Variants in PBRM1 observed in about 807,000 individuals in gnomAD.
PBRM1 encodes protein polybromo-1.
Under a neutral mutation model 194.5 loss-of-function variants are expected in PBRM1, and 27 were observed. That is an observed-to-expected ratio of 0.14 (90% CI 0.10 to 0.19). The LOEUF (loss-of-function observed/expected upper bound fraction) is 0.19, where lower values mean the gene tolerates loss of function less well. Ranked by LOEUF, PBRM1 falls within the 10% of genes least tolerant of loss-of-function variation. PBRM1 has a pLI of 1.00. For synonymous variants in PBRM1, 655 were observed against 693.2 expected (o/e 0.94, Z 0.87); for missense variants, 1,466 against 2,077.2 (o/e 0.71, Z 5.72).
exon 11 of PBRM1, chr3:52,634,684 G>A (rs748039131): frequency 1.9e-6 from 3 of 1,613,764 alleles, no homozygotes; most frequent in South Asian, 2.2e-5. Flanking sequence ...TGGTAAAAAG[G>A]TTCAGCTATT....
chr3:52,590,189 C>T (rs1174396135), intron 17 of PBRM1, among the ~76,000 whole-genome samples: 12 of 151,834 alleles, frequency 7.9e-5, no homozygotes, highest in African/African-American at 1.2e-4. Context: ...CGGCAGCTCA[C>T]GCCTGTAATC....
chr3:52,589,228 C>T (rs1385173049), exon 18 of PBRM1: 2 of 1,545,884 alleles, frequency 1.3e-6, no homozygotes, highest in East Asian at 4.8e-5. Context: ...GCCTGCAGCA[C>T]CAGAGGAATC....
chr3:52,654,147 C>T (rs2096563887), intron 5 of PBRM1, among the ~76,000 whole-genome samples: 1 of 152,102 alleles, frequency 6.6e-6, no homozygotes. Context: ...TCAGATTGTG[C>T]TCTCCCAACT....
At chr3:52,651,689 C>T (rs916687803) in intron 6 of PBRM1, 53 bp downstream of exon 7, 2 of 1,028,430 alleles carry the variant, frequency 1.9e-6, no homozygotes, top group African/African-American at 3.3e-5. Flanking sequence ...TAGGAAAGAT[C>T]ATAGGCCAAT....
At chr3:52,586,290 T>C (rs773252359) in intron 20 of PBRM1, 135 bp downstream of exon 22, 6 of 735,728 alleles carry the variant, frequency 8.2e-6, no homozygotes, top group Middle Eastern at 3.8e-4. Flanking sequence ...CTTTCTGTTA[T>C]AGTTTCCTTC....
chr3:52,682,006 C>G (rs967878551), upstream of PBRM1: 1 of 156,332 alleles, frequency 6.4e-6, no homozygotes, highest in Admixed American at 6.5e-5. Context: ...GGCTCAGGCA[C>G]TAACAGTACC....
intron 13 of PBRM1, among the ~76,000 whole-genome samples, chr3:52,621,411 C>T (rs2095269862): frequency 6.6e-6 from 1 of 152,176 alleles, no homozygotes; most frequent in Non-Finnish European, 1.5e-5. Flanking sequence ...GATCTGCCCG[C>T]CTCGGCCTCC....
At chr3:52,600,733 G>T (rs1274585214) in intron 17 of PBRM1, among the ~76,000 whole-genome samples, 1 of 152,106 alleles carries the variant, frequency 6.6e-6, no homozygotes, top group Admixed American at 6.6e-5. Context: ...TCACCTCCTG[G>T]GTTAAAGGTA....
At chr3:52,626,689 G>A (rs1012865705) in intron 13 of PBRM1, among the ~76,000 whole-genome samples, 1 of 152,028 alleles carries the variant, frequency 6.6e-6, no homozygotes, top group Non-Finnish European at 1.5e-5. Flanking sequence ...CACAAAACCC[G>A]TGAGAAGGAG....
intron 15 of PBRM1, 85 bp from the exon 18 acceptor site, chr3:52,610,040 T>C: frequency 1.3e-6 from 1 of 772,836 alleles, no homozygotes; most frequent in Non-Finnish European, 1.9e-6. Flanking sequence ...CAAGGGACGA[T>C]TCCAAGTAAT....
At chr3:52,651,663 G>A (rs1342751882) in intron 6 of PBRM1, 79 bp downstream of exon 7, 2 of 740,224 alleles carry the variant, frequency 2.7e-6, no homozygotes, top group Non-Finnish European at 4.4e-6. Context: ...TAGCTTCTCT[G>A]TTTTCTAAAA....
At chr3:52,608,355 CT>C (rs993410806) in intron 16 of PBRM1, among the ~76,000 whole-genome samples, 2 of 152,166 alleles carry the variant, frequency 1.3e-5, no homozygotes, top group Non-Finnish European at 2.9e-5. Flanking sequence ...AAGATTATCA[CT>C]TATCTAGAAT....
chr3:52,585,126 C>T (rs1444945963), intron 20 of PBRM1, among the ~76,000 whole-genome samples: 3 of 152,158 alleles, frequency 2.0e-5, no homozygotes, highest in East Asian at 1.9e-4. Flanking sequence ...AATTTGATTT[C>T]ACTTACTTTT....
chr3:52,618,216 A>G (rs970329479), intron 13 of PBRM1, among the ~76,000 whole-genome samples: 1 of 152,216 alleles, frequency 6.6e-6, no homozygotes, highest in Non-Finnish European at 1.5e-5. Context: ...TCCATCCTTG[A>G]GCATGAATCC....
chr3:52,652,503 G>A (rs1435822811), intron 5 of PBRM1, among the ~76,000 whole-genome samples: 1 of 149,196 alleles, frequency 6.7e-6, no homozygotes, highest in African/African-American at 2.5e-5. Flanking sequence ...CCTGGCTAAC[G>A]TGGTGAAACC....
At chr3:52,557,941 A>C (rs962871324) in intron 26 of PBRM1, among the ~76,000 whole-genome samples, 2 of 152,202 alleles carry the variant, frequency 1.3e-5, no homozygotes, top group African/African-American at 4.8e-5. Context: ...TTCAGGGTCT[A>C]CTTTCATATT....
At chr3:52,679,027 G>A (rs1213480773) in intron 1 of PBRM1, among the ~76,000 whole-genome samples, 1 of 152,112 alleles carries the variant, frequency 6.6e-6, no homozygotes, top group Non-Finnish European at 1.5e-5. Flanking sequence ...AATGGGTGGA[G>A]CTTGCCAGTT....
intron 4 of PBRM1, among the ~76,000 whole-genome samples, chr3:52,659,839 C>A (rs1210140861): frequency 6.6e-6 from 1 of 152,096 alleles, no homozygotes; most frequent in Non-Finnish European, 1.5e-5. Context: ...GCCTGTAATC[C>A]CAAGCACTTT....
intron 13 of PBRM1, among the ~76,000 whole-genome samples, chr3:52,621,852 G>C (rs929309582): frequency 3.9e-5 from 6 of 152,136 alleles, no homozygotes; most frequent in African/African-American, 1.2e-4. Context: ...AGGAGTTCGA[G>C]ACCAGCCTGG....
Sources: gnomAD v4.1 joint callset for allele counts (sites outside exome capture counted in the v4.1 genomes callset) on GRCh38, gnomAD v4.1.1 for gene constraint, MANE v1.5 for transcripts, NCBI Gene and HGNC (gene_info 2026-07-23, HGNC 2026-07-21) for gene names.